Variants in MSRB3 observed in about 807,000 individuals in gnomAD.
MSRB3 encodes the protein methionine-R-sulfoxide reductase B3.
In MSRB3, 13 loss-of-function variants were observed where a neutral mutation model predicts 21.0. That is an observed-to-expected ratio of 0.62 (90% CI 0.40 to 0.98). The LOEUF (loss-of-function observed/expected upper bound fraction) is 0.98. MSRB3 is among the 50% of genes least tolerant of loss of function. The pLI, the probability that MSRB3 is intolerant of heterozygous loss-of-function variation, is 0.00. For synonymous variants in MSRB3, 87 were observed against 88.6 expected (o/e 0.98, Z 0.10); for missense variants, 199 against 230.3 (o/e 0.86, Z 0.88).
At chr12:65,456,519 A>G (rs563942886) in intron 6 of MSRB3, among the ~76,000 whole-genome samples, 1 of 152,352 alleles carries the variant, frequency 6.6e-6, no homozygotes, top group South Asian at 2.1e-4. Context: ...CAACATTCCT[A>G]AAAGAAGTCA....
chr12:65,382,945 T>C (rs1231352072), intron 5 of MSRB3, among the ~76,000 whole-genome samples: 2 of 152,094 alleles, frequency 1.3e-5, no homozygotes, highest in African/African-American at 4.8e-5. Context: ...TCAGGTTAAA[T>C]TTATTTATGA....
At chr12:65,440,905 G>A (rs1882346992) in intron 5 of MSRB3, among the ~76,000 whole-genome samples, 1 of 151,838 alleles carries the variant, frequency 6.6e-6, no homozygotes, top group South Asian at 2.1e-4. Context: ...GTACTAAGGA[G>A]CTATATCTTT....
In MSRB3 at chr12:65,463,831, A is replaced by ATTT; in HGVS notation, c.*518_*520dup. ...TTTGTGGAAAGTTTGAGCTAAGGTC[A>ATTT]TTTTTTTTTTTCTCACTGAAAGGGT... On this transcript the variant is annotated 3_prime_UTR_variant, in exon 7 of 7. Transcript: ENST00000308259. The ATTT allele has an allele frequency of 2.0e-5, 3 of 152,778 alleles. No homozygotes were observed. Among genetic ancestry groups the ATTT allele is most frequent in the Admixed American group, 6.4e-5 (1 of 15,722 alleles). The allele number at this position is 152,778 out of a possible 1,614,324, so 9.5% of individuals were successfully genotyped here.
At chr12:65,337,103 C>T (rs902242754) in intron 4 of MSRB3, among the ~76,000 whole-genome samples, 5 of 152,044 alleles carry the variant, frequency 3.3e-5, no homozygotes, top group Non-Finnish European at 5.9e-5. Flanking sequence ...ATTAGCCGGG[C>T]GCAGTGGCGG....
chr12:65,380,822 G>C (rs576155036), intron 5 of MSRB3, among the ~76,000 whole-genome samples: 1 of 152,262 alleles, frequency 6.6e-6, no homozygotes, highest in South Asian at 2.1e-4. Flanking sequence ...ACAGAACTGG[G>C]ATTTGATCCT....
At chr12:65,331,414 C>T (rs1445587560) in intron 4 of MSRB3, among the ~76,000 whole-genome samples, 2 of 152,174 alleles carry the variant, frequency 1.3e-5, no homozygotes, top group East Asian at 1.9e-4. Flanking sequence ...TGCACCCCTC[C>T]GTACACACAG....
rs549903588 is a variant in MSRB3 at position 65,433,415 on chromosome 12, A to T, written c.293-20313A>T. ...AAGTTCCTCTTAGAATTAAAAAAAAATTTTTTTAATTGTCCATGGTATTCA... is the reference window on the plus strand; with the variant it reads ...AAGTTCCTCTTAGAATTAAAAAAAATTTTTTTTAATTGTCCATGGTATTCA... On this transcript the variant is annotated intron_variant, in intron 5 of 6. Transcript: ENST00000308259. Among the ~76,000 whole-genome samples, 586 of 151,914 alleles carry T rather than the reference A, an allele frequency of 3.9e-3. 6 individuals carry two copies. The highest frequency in any genetic ancestry group is 0.012 in the African/African-American group (499 of 41,474).
At chr12:65,356,562 A>G (rs1331297073) in intron 4 of MSRB3, among the ~76,000 whole-genome samples, 2 of 151,892 alleles carry the variant, frequency 1.3e-5, no homozygotes, top group African/African-American at 4.8e-5. Flanking sequence ...GTGAGGGGAC[A>G]TATTTTACTT....
Position 65,278,937 on chromosome 12 carries a change from T to A in MSRB3, c.-52+72T>A, listed in dbSNP as rs1287426981. The A allele has an allele frequency of 2.0e-6, 3 of 1,530,204 alleles. No individual in the cohort carries two copies. In the African/African-American group the frequency reaches 4.1e-5, roughly 21 times the overall value. 94.8% of individuals were successfully genotyped at this position (1,530,204 alleles called of 1,614,324 possible). A position where few individuals can be genotyped will look rare whatever the true frequency, so the allele number is the denominator to read the frequency against. On this transcript the variant is annotated intron_variant, in intron 1 of 6. Transcript: ENST00000308259. ...ACCCCGACCCTGCCACGTTAGGGTG[T>A]GACCCCGAGCCGGGATTCCATTCTG...
At chr12:65,329,085 A>C (rs187599359) in intron 4 of MSRB3, among the ~76,000 whole-genome samples, 139 of 152,382 alleles carry the variant, frequency 9.1e-4, no homozygotes, top group Non-Finnish European at 1.4e-3. Flanking sequence ...TAGGTAAGCA[A>C]ATTATGTAAT....
chr12:65,364,939 T>C (rs1278708683), intron 4 of MSRB3, among the ~76,000 whole-genome samples: 1 of 152,216 alleles, frequency 6.6e-6, no homozygotes, highest in African/African-American at 2.4e-5. Flanking sequence ...TCTGCAGATT[T>C]TTTTAAATTG....
chr12:65,454,559 A>T (rs1311823496), intron 6 of MSRB3, among the ~76,000 whole-genome samples: 1 of 152,220 alleles, frequency 6.6e-6, no homozygotes, highest in Non-Finnish European at 1.5e-5. Context: ...AACACAATCA[A>T]GGAAGACCTC....
At chr12:65,324,047 T>C (rs1183603909) in intron 2 of MSRB3, among the ~76,000 whole-genome samples, 1 of 152,168 alleles carries the variant, frequency 6.6e-6, no homozygotes, top group South Asian at 2.1e-4. Context: ...AACCAAAGAA[T>C]GAAAATGTAC....
intron 5 of MSRB3, among the ~76,000 whole-genome samples, chr12:65,390,735 A>G (rs1879438455): frequency 6.6e-6 from 1 of 152,190 alleles, no homozygotes; most frequent in Non-Finnish European, 1.5e-5. Context: ...CCAATAACAG[A>G]GGCAGGCAAG....
intron 5 of MSRB3, among the ~76,000 whole-genome samples, chr12:65,431,358 T>C (rs188884183): frequency 4.6e-5 from 7 of 152,200 alleles, no homozygotes; most frequent in Admixed American, 4.6e-4. Context: ...AGAGAGGTTT[T>C]CACTTGCTGC....
At chr12:65,405,814 G>C (rs532773319) in intron 5 of MSRB3, among the ~76,000 whole-genome samples, 2 of 152,084 alleles carry the variant, frequency 1.3e-5, no homozygotes, top group East Asian at 3.9e-4. Context: ...GTTTGGGTTT[G>C]CATTTTCCTG....
At chr12:65,382,352 T>G (rs1299726608) in intron 5 of MSRB3, among the ~76,000 whole-genome samples, 2 of 23,714 alleles carry the variant, frequency 8.4e-5, no homozygotes, top group African/African-American at 1.1e-4. Context: ...CTTTGGAGTT[T>G]TATTCTTAGA....
At chr12:65,423,613 G>A (rs1881434861) in intron 5 of MSRB3, among the ~76,000 whole-genome samples, 1 of 152,064 alleles carries the variant, frequency 6.6e-6, no homozygotes. Flanking sequence ...TATGGTTCTT[G>A]TCCTTCATTC....
chr12:65,424,193 CT>C (rs1881462242), intron 5 of MSRB3, among the ~76,000 whole-genome samples: 1 of 151,064 alleles, frequency 6.6e-6, no homozygotes, highest in Non-Finnish European at 1.5e-5. Flanking sequence ...TTTTTCATTT[CT>C]GATTTTGTTG....
Sources: allele counts gnomAD v4.1 joint callset (sites outside exome capture counted in the v4.1 genomes callset), GRCh38; gene constraint gnomAD v4.1.1; transcripts MANE v1.5; gene names NCBI Gene and HGNC (gene_info 2026-07-23, HGNC 2026-07-21).